Variants in FAM229B observed in about 807,000 individuals in gnomAD.
FAM229B encodes protein FAM229B.
A neutral mutation model predicts 6.7 loss-of-function variants in FAM229B; 2 were observed. That is an observed-to-expected ratio of 0.30 (90% confidence interval 0.12 to 0.94). The LOEUF (loss-of-function observed/expected upper bound fraction) is 0.94. Among genes scored for constraint, FAM229B ranks in the 40% least tolerant of loss-of-function variants. The pLI, the probability that FAM229B is intolerant of heterozygous loss-of-function variation, is 0.54. For synonymous variants in FAM229B, 29 were observed against 34.0 expected (o/e 0.85, Z 0.51); for missense variants, 93 against 96.2 (o/e 0.97, Z 0.14).
At chr6:112,099,538 G>A (rs999608511) in intron 3 of FAM229B, 130 bp downstream of exon 3, 43 of 879,940 alleles carry the variant, frequency 4.9e-5, no homozygotes, top group Admixed American at 6.7e-5. Flanking sequence ...CTAAGTTAGC[G>A]TATTAACAGA....
At chr6:112,093,864 C>A (rs1777288502) in intron 1 of FAM229B, among the ~76,000 whole-genome samples, 1 of 151,936 alleles carries the variant, frequency 6.6e-6, no homozygotes, top group Admixed American at 6.5e-5. Context: ...TCAAGTGATA[C>A]AAAGAATGTT....
intron 1 of FAM229B, among the ~76,000 whole-genome samples, chr6:112,095,648 A>C (rs1383995393): frequency 4.0e-4 from 57 of 143,648 alleles, no homozygotes; most frequent in African/African-American, 1.5e-3. Context: ...AAAAAAAAAA[A>C]AAAAAAAAAA....
At chr6:112,093,049 A>G (rs7757640) in intron 1 of FAM229B, among the ~76,000 whole-genome samples, 45,243 of 151,850 alleles carry the variant, frequency 0.3, 7,132 homozygotes, top group African/African-American at 0.41. Context: ...CGTATCTATC[A>G]TATTAAATAT....
chr6:112,090,889 A>G (rs1417878410), intron 1 of FAM229B, among the ~76,000 whole-genome samples: 1 of 152,196 alleles, frequency 6.6e-6, no homozygotes, highest in Non-Finnish European at 1.5e-5. Context: ...CTCTTTTAGC[A>G]GTTCTGAAAT....
chr6:112,095,521 A>G (rs1777309515), intron 1 of FAM229B, among the ~76,000 whole-genome samples: 1 of 151,330 alleles, frequency 6.6e-6, no homozygotes, highest in Non-Finnish European at 1.5e-5. Flanking sequence ...AGTCCCAGCT[A>G]CTTGAGATGC....
At chr6:112,088,192 G>C (rs1038996957) in intron 1 of FAM229B, among the ~76,000 whole-genome samples, 11 of 152,212 alleles carry the variant, frequency 7.2e-5, no homozygotes, top group Admixed American at 2.6e-4. Context: ...ATAGGATTCA[G>C]TGGTTGAGGA....
chr6:112,091,595 T>C (rs953230356), intron 1 of FAM229B, among the ~76,000 whole-genome samples: 3 of 152,120 alleles, frequency 2.0e-5, no homozygotes, highest in Non-Finnish European at 4.4e-5. Flanking sequence ...CCAGGCTGTT[T>C]CCAAATAGCT....
At chr6:112,093,243 A>G (rs1180393980) in intron 1 of FAM229B, among the ~76,000 whole-genome samples, 1 of 151,996 alleles carries the variant, frequency 6.6e-6, no homozygotes, top group Non-Finnish European at 1.5e-5. Flanking sequence ...AAGTATCTAT[A>G]CAAGTATCAG....
At position 112,100,745 on chromosome 6, in the gene FAM229B, A is replaced by G; in HGVS notation, c.201A>G (p.Arg67=). ...CCGTCACTGTTTATGCAACAACGAG[A>G]AAGCCACCTGCACAAAGCAGCAAGG... The part of the protein sequence containing the change: ...DVPVTVYATT[R]KPPAQSSKEM... The change falls in exon 4 of 4, where the codon AGA becomes AGG. Residue 67 remains arginine (R), a synonymous_variant. Coordinates refer to ENST00000368656, the MANE Select transcript of FAM229B (RefSeq NM_001033564.3). 6.2e-7 allele frequency: 1 copy of G among 1,614,066 alleles called. No homozygotes were observed. Among genetic ancestry groups the G allele is most frequent in the Non-Finnish European group, 8.5e-7 (1 of 1,179,940 alleles).
intron 1 of FAM229B, among the ~76,000 whole-genome samples, chr6:112,092,883 A>T (rs2114503559): frequency 6.6e-6 from 1 of 152,136 alleles, no homozygotes; most frequent in South Asian, 2.1e-4. Context: ...ACACAAAACA[A>T]AACACAAAGG....
intron 1 of FAM229B, among the ~76,000 whole-genome samples, chr6:112,090,848 A>AT (rs1375475743): frequency 1.3e-5 from 2 of 152,134 alleles, no homozygotes; most frequent in Admixed American, 6.5e-5. Context: ...CATACTCAGA[A>AT]TTTTTTTGTG....
chr6:112,088,463 GTCT>G (rs782384507), intron 1 of FAM229B, among the ~76,000 whole-genome samples: 1 of 151,996 alleles, frequency 6.6e-6, no homozygotes, highest in Non-Finnish European at 1.5e-5. Context: ...ACTCTAAGAA[GTCT>G]TCTTTGTTTA....
chr6:112,089,509 G>C (rs1438934082), intron 1 of FAM229B, among the ~76,000 whole-genome samples: 2 of 152,166 alleles, frequency 1.3e-5, no homozygotes, highest in East Asian at 3.8e-4. Flanking sequence ...TGAGGGCTGA[G>C]TCTTGTTGTT....
At chr6:112,100,187 A>C (rs1268671256) in intron 3 of FAM229B, among the ~76,000 whole-genome samples, 1 of 152,214 alleles carries the variant, frequency 6.6e-6, no homozygotes, top group Admixed American at 6.5e-5. Context: ...TTTTTGAACT[A>C]GGTGTCATTT....
In FAM229B at chr6:112,102,720, T is replaced by G. The variant is rs1777415090; in HGVS notation, c.*1933T>G. 1 of 152,092 alleles carries G rather than the reference T, an allele frequency of 6.6e-6. No individual in the cohort carries two copies. Among genetic ancestry groups the G allele is most frequent in the African/African-American group, 2.4e-5 (1 of 41,394 alleles). The allele number at this position is 152,092 out of a possible 1,614,324, so 9.4% of individuals were successfully genotyped here. On this transcript the variant is annotated 3_prime_UTR_variant, in exon 4 of 4. Transcript: ENST00000368656. ...CAACATTTGAAAGGATCAAACTGAT[T>G]TCAAGTAACTTGAGTGCATCCAAGG...
chr6:112,095,203 G>A (rs1358696232), intron 1 of FAM229B, among the ~76,000 whole-genome samples: 2 of 152,140 alleles, frequency 1.3e-5, no homozygotes, highest in African/African-American at 4.8e-5. Context: ...GAATTCTTGT[G>A]TCCCAGTTAT....
chr6:112,096,626 A>G (rs587657618), intron 1 of FAM229B, among the ~76,000 whole-genome samples: 98 of 152,294 alleles, frequency 6.4e-4, no homozygotes, highest in African/African-American at 2.3e-3. Flanking sequence ...GGGAATTTGA[A>G]GACTCTCTTG....
Position 112,101,018 on chromosome 6 carries a change from C to T in FAM229B, c.*231C>T, listed in dbSNP as rs191979702. The T allele has an allele frequency of 1.3e-3, 547 of 407,964 alleles. 6 individuals carry two copies. In the East Asian group the frequency reaches 0.021, roughly 16 times the overall value. 25.3% of individuals were successfully genotyped at this position (407,964 alleles called of 1,614,324 possible). The stretch of plus-strand genomic sequence containing the variant: ...ATAATATTTCACAATTAGAAAGTAC[C>T]TTAGAGATCATCTTGCTCACAGTAG... On this transcript the variant is annotated 3_prime_UTR_variant, in exon 4 of 4. Coordinates refer to ENST00000368656, the MANE Select transcript of FAM229B (RefSeq NM_001033564.3).
chr6:112,098,274 C>G (rs139084665), intron 2 of FAM229B, among the ~76,000 whole-genome samples: 6 of 151,992 alleles, frequency 3.9e-5, no homozygotes, highest in African/African-American at 1.5e-4. Flanking sequence ...TTGGCCATAG[C>G]AAGTGAAGGG....
Sources: gnomAD v4.1 joint callset for allele counts (sites outside exome capture counted in the v4.1 genomes callset) on GRCh38, gnomAD v4.1.1 for gene constraint, MANE v1.5 for transcripts, NCBI Gene and HGNC (gene_info 2026-07-23, HGNC 2026-07-21) for gene names.